MARCHF5: variants seen among roughly 807,000 people sequenced by gnomAD.
MARCHF5 encodes membrane associated ring-CH-type finger 5, also known as E3 ubiquitin-protein ligase MARCHF5.
Under a neutral mutation model 36.5 loss-of-function variants are expected in MARCHF5, and 5 were observed. The ratio of observed to expected loss-of-function variants is 0.14; its 90% CI spans 0.07 to 0.29. The LOEUF is 0.29. Ranked by LOEUF, MARCHF5 falls within the 10% of genes least tolerant of loss-of-function variation. The probability of loss-of-function intolerance (pLI) is 1.00; values close to 1 mark genes in which losing one functional copy is unlikely to be tolerated. For missense variants in MARCHF5, 179 were observed against 336.3 expected (o/e 0.53, Z 3.66); for synonymous variants, 103 against 109.9 (o/e 0.94, Z 0.39).
At chr10:92,324,931 C>T (rs1188042087) in intron 2 of MARCHF5, among the ~76,000 whole-genome samples, 2 of 151,918 alleles carry the variant, frequency 1.3e-5, no homozygotes. Flanking sequence ...GTTCCATGTG[C>T]ACTTGAGAAA....
chr10:92,348,848 T>C (rs1235596801), intron 3 of MARCHF5, among the ~76,000 whole-genome samples: 1 of 152,170 alleles, frequency 6.6e-6, no homozygotes, highest in African/African-American at 2.4e-5. Flanking sequence ...CATCACACCC[T>C]ATCTTACACA....
At position 92,353,639 on chromosome 10, in the gene MARCHF5, G is replaced by A. The variant is rs1843745127; in HGVS notation, c.*2432G>A. On this transcript the variant is annotated 3_prime_UTR_variant, in exon 6 of 6. Transcript: ENST00000358935. ...GAGATGATGTAGATTTTTCGGATGG[G>A]TGGGTATATTTTATTTTCCAGTTTA... is the stretch of plus-strand genomic sequence containing the variant. 6.6e-6 allele frequency: 1 copy of A among 152,508 alleles called. No individual in the cohort carries two copies. The highest frequency in any genetic ancestry group is 1.5e-5 in the Non-Finnish European group (1 of 68,020). The allele number at this position is 152,508 out of a possible 1,614,324, so 9.4% of individuals were successfully genotyped here. A position where few individuals can be genotyped will look rare whatever the true frequency, so the allele number is the denominator to read the frequency against.
intron 2 of MARCHF5, among the ~76,000 whole-genome samples, chr10:92,315,327 A>G (rs1329021662): frequency 1.3e-5 from 2 of 152,360 alleles, no homozygotes; most frequent in East Asian, 1.9e-4. Context: ...AATGTCCGAT[A>G]GTGTCATCTG....
In MARCHF5 at chr10:92,306,865, T is replaced by C. The variant is rs932354790; in HGVS notation, c.36-4270T>C. Among the ~76,000 whole-genome samples, 18 of 151,998 alleles carry C rather than the reference T, an allele frequency of 1.2e-4. 1 individual carries two copies. The highest frequency in any genetic ancestry group is 7.2e-4 in the Admixed American group (11 of 15,246). On this transcript the variant is annotated intron_variant, in intron 1 of 5. Coordinates refer to ENST00000358935, the MANE Select transcript of MARCHF5 (RefSeq NM_017824.5). ...CCCATCTCTACTAAAAATACAAAAA[T>C]GAGCCAGGCGTGGTGGTGGATGCCT...
At chr10:92,305,315 G>A (rs1326379580) in intron 1 of MARCHF5, among the ~76,000 whole-genome samples, 1 of 152,078 alleles carries the variant, frequency 6.6e-6, no homozygotes, top group Non-Finnish European at 1.5e-5. Context: ...GGTGAGACAG[G>A]AGATTTGCTT....
chr10:92,295,412 T>A (rs1286211117), intron 1 of MARCHF5, among the ~76,000 whole-genome samples: 7 of 139,566 alleles, frequency 5.0e-5, no homozygotes, highest in South Asian at 4.6e-4. Context: ...TATTTATTTT[T>A]TATTTTTTTT....
intron 5 of MARCHF5, chr10:92,350,202 G>A (rs1843700311): frequency 9.6e-6 from 2 of 208,364 alleles, no homozygotes; most frequent in South Asian, 9.6e-5. Context: ...TTTTGTTCCT[G>A]TAGTATGGTG....
chr10:92,322,262 A>G (rs1236984677), intron 2 of MARCHF5, among the ~76,000 whole-genome samples: 1 of 148,578 alleles, frequency 6.7e-6, no homozygotes, highest in Non-Finnish European at 1.5e-5. Context: ...AAAAAAAAAA[A>G]AAAAAAAAAA....
At chr10:92,302,240 G>C (rs559312029) in intron 1 of MARCHF5, among the ~76,000 whole-genome samples, 1 of 152,016 alleles carries the variant, frequency 6.6e-6, no homozygotes, top group African/African-American at 2.4e-5. Flanking sequence ...AGGGCTGACT[G>C]TATTCTCACC....
At position 92,330,527 on chromosome 10, in the gene MARCHF5, C is replaced by A. The variant is rs144364448; in HGVS notation, c.239-10146C>A. 6.6e-5 allele frequency among the ~76,000 whole-genome samples: 10 copies of A among 152,160 alleles called. No individual in the cohort carries two copies. The East Asian group carries it at 1.7e-3, about 27-fold the overall frequency. ...TGTCCTGGATCTTTAAGGAAAAGGG[C>A]ACCTATTCTTTATTTCTCACCTGAG... On this transcript the variant is annotated intron_variant, in intron 2 of 5. Transcript: ENST00000358935.
chr10:92,308,304 G>A (rs1448973810), intron 1 of MARCHF5, among the ~76,000 whole-genome samples: 2 of 152,128 alleles, frequency 1.3e-5, no homozygotes, highest in Admixed American at 1.3e-4. Flanking sequence ...TTTGTAAACT[G>A]TCATGGTGCT....
chr10:92,309,157 G>A (rs1843116168), intron 1 of MARCHF5, among the ~76,000 whole-genome samples: 1 of 152,184 alleles, frequency 6.6e-6, no homozygotes, highest in African/African-American at 2.4e-5. Context: ...AAGAATTATA[G>A]AATCTAAATG....
At chr10:92,325,158 C>A (rs1267435576) in intron 2 of MARCHF5, among the ~76,000 whole-genome samples, 2 of 151,990 alleles carry the variant, frequency 1.3e-5, no homozygotes. Context: ...CATAGTGAGA[C>A]CCTGTCTCTA....
chr10:92,331,539 T>C lies in MARCHF5; in HGVS notation c.239-9134T>C, dbSNP rs992472375. 5.9e-5 allele frequency among the ~76,000 whole-genome samples: 9 copies of C among 152,204 alleles called. No individual in the cohort carries two copies. In the East Asian group the frequency reaches 1.2e-3, roughly 20 times the overall value. ...AAGTTTTCAGTTGTTTTATGTATAT[T>C]GTTTGTCCCTAACTAGATTGTAGAC... On this transcript the variant is annotated intron_variant, in intron 2 of 5. Transcript: ENST00000358935.
At chr10:92,326,388 T>C (rs1042066084) in intron 2 of MARCHF5, among the ~76,000 whole-genome samples, 6 of 152,082 alleles carry the variant, frequency 3.9e-5, no homozygotes, top group African/African-American at 1.2e-4. Context: ...ATTTATGTAA[T>C]GGAAGCCCAT....
intron 2 of MARCHF5, among the ~76,000 whole-genome samples, chr10:92,316,055 C>T (rs1265745566): frequency 1.3e-5 from 2 of 152,144 alleles, no homozygotes; most frequent in East Asian, 3.8e-4. Context: ...TCCCCAAAGA[C>T]ACTTGATAAA....
intron 2 of MARCHF5, among the ~76,000 whole-genome samples, chr10:92,328,866 T>C (rs966655018): frequency 1.3e-5 from 2 of 150,020 alleles, no homozygotes; most frequent in African/African-American, 4.9e-5. Flanking sequence ...GTTTGTGTGC[T>C]TCTTATTGCA....
chr10:92,328,815 A>ATTT (rs1234886251), intron 2 of MARCHF5, among the ~76,000 whole-genome samples: 10 of 66,108 alleles, frequency 1.5e-4, no homozygotes, highest in Admixed American at 5.7e-4. Flanking sequence ...ATATATATAT[A>ATTT]TATATATTTT....
intron 1 of MARCHF5, among the ~76,000 whole-genome samples, chr10:92,304,819 G>A (rs1230967103): frequency 6.6e-6 from 1 of 151,998 alleles, no homozygotes; most frequent in African/African-American, 2.4e-5. Flanking sequence ...GTTTTTCATG[G>A]ACCCCAGATT....
Sources: allele counts gnomAD v4.1 joint callset (sites outside exome capture counted in the v4.1 genomes callset), GRCh38; gene constraint gnomAD v4.1.1; transcripts MANE v1.5; gene names NCBI Gene and HGNC (gene_info 2026-07-23, HGNC 2026-07-21).